Variants in ARHGEF28 observed in about 807,000 individuals in gnomAD.
ARHGEF28 encodes the protein Rho guanine nucleotide exchange factor 28.
A neutral mutation model predicts 206.6 loss-of-function variants in ARHGEF28; 152 were observed. The observed-to-expected ratio is 0.74, with a 90% CI of 0.64 to 0.84. ARHGEF28 has a LOEUF of 0.84. ARHGEF28 is among the 40% of genes least tolerant of loss of function. ARHGEF28 has a pLI of 0.00. For missense variants in ARHGEF28, 2,028 were observed against 2,073.2 expected (o/e 0.98, Z 0.42); for synonymous variants, 763 against 776.4 (o/e 0.98, Z 0.29).
chr5:73,792,850 T>C (rs1379094756), intron 7 of ARHGEF28, among the ~76,000 whole-genome samples: 1 of 152,190 alleles, frequency 6.6e-6, no homozygotes, highest in African/African-American at 2.4e-5. Context: ...TTTTGGACTT[T>C]GGCACTTGAA....
intron 6 of ARHGEF28, among the ~76,000 whole-genome samples, chr5:73,779,879 A>G (rs1443505115): frequency 6.6e-6 from 1 of 152,172 alleles, no homozygotes; most frequent in Non-Finnish European, 1.5e-5. Flanking sequence ...CTCCAGCTGC[A>G]GGGCATTGTT....
intron 13 of ARHGEF28, among the ~76,000 whole-genome samples, chr5:73,850,627 CTAT>C (rs1758640182): frequency 6.6e-6 from 1 of 152,202 alleles, no homozygotes; most frequent in East Asian, 1.9e-4. Context: ...GGTCCTTGAT[CTAT>C]GAAGTCAGAT....
At chr5:73,927,201 A>C (rs544223475) in intron 35 of ARHGEF28, among the ~76,000 whole-genome samples, 3 of 152,178 alleles carry the variant, frequency 2.0e-5, no homozygotes, top group Admixed American at 2.0e-4. Context: ...TCACTAAAAA[A>C]AAAAATAAAA....
At chr5:73,689,507 T>TA (rs1238822766) in intron 2 of ARHGEF28, among the ~76,000 whole-genome samples, 1 of 152,116 alleles carries the variant, frequency 6.6e-6, no homozygotes, top group African/African-American at 2.4e-5. Context: ...CATGGTCAGC[T>TA]TTAGTCTAAT....
chr5:73,650,303 T>TA (rs1744725602), intron 1 of ARHGEF28, among the ~76,000 whole-genome samples: 1 of 84,260 alleles, frequency 1.2e-5, no homozygotes, highest in East Asian at 3.6e-4. Flanking sequence ...TTTTTTTTTT[T>TA]AGACGGAGTC....
rs751052472 is a variant in ARHGEF28 at position 73,684,863 on chromosome 5, C to A, written c.12C>A (p.Ser4Arg). MEL[S>R]CSEAPLYGQM... ...CAGATGCGAAAGCCATGGAGTTGAG[C>A]TGCAGCGAAGCACCTCTTTACGTAA... Residue 4 changes from serine (S) to arginine (R), a missense_variant, in exon 2 of 36, where the codon AGC becomes AGA. Ser to Arg is a moderately radical substitution (Grantham distance 110). Transcript: ENST00000513042. 1 of 1,610,646 alleles carries A rather than the reference C, an allele frequency of 6.2e-7. No individual in the cohort carries two copies.
At chr5:73,793,983 CT>C (rs977861886) in intron 7 of ARHGEF28, among the ~76,000 whole-genome samples, 2 of 152,102 alleles carry the variant, frequency 1.3e-5, no homozygotes, top group Non-Finnish European at 2.9e-5. Context: ...GAATTACGCT[CT>C]TTTAAAACAT....
chr5:73,746,628 T>C (rs28495770), intron 2 of ARHGEF28, among the ~76,000 whole-genome samples: 36,175 of 152,074 alleles, frequency 0.24, 4,951 homozygotes, highest in Non-Finnish European at 0.31. Flanking sequence ...TTATGTTAGA[T>C]ATTGAATTAA....
chr5:73,850,907 T>G (rs769882648), intron 13 of ARHGEF28, among the ~76,000 whole-genome samples: 3 of 152,186 alleles, frequency 2.0e-5, no homozygotes, highest in Admixed American at 6.6e-5. Flanking sequence ...AGGTAACAGT[T>G]AGAACCAGGC....
At position 73,834,542 on chromosome 5, in the gene ARHGEF28, CTGTGTG is replaced by C. The variant is rs34258155; in HGVS notation, c.1146+2110_1146+2115del. ...TCTTTTCTAGGGCTGAATAATATTCCTGTGTGTGTGTGTGTGTGTGTGTGTGTGTGT... is the reference window on the plus strand; with the variant it reads ...TCTTTTCTAGGGCTGAATAATATTCCTGTGTGTGTGTGTGTGTGTGTGTGT... On this transcript the variant is annotated intron_variant, in intron 10 of 35. Coordinates refer to ENST00000513042, the MANE Select transcript of ARHGEF28 (RefSeq NM_001177693.2). Among the ~76,000 whole-genome samples the C allele has an allele frequency of 8.1e-3, 1,184 of 145,786 alleles. 10 individuals carry two copies. Among genetic ancestry groups the C allele is most frequent in the African/African-American group, 0.018 (697 of 39,202 alleles).
chr5:73,897,917 C>T, intron 29 of ARHGEF28, 45 bp from the exon 30 acceptor site: 2 of 1,537,458 alleles, frequency 1.3e-6, no homozygotes, highest in Non-Finnish European at 1.8e-6. Flanking sequence ...TAAATATATA[C>T]CTATCTTTGT....
chr5:73,808,516 T>C (rs1755647060), intron 9 of ARHGEF28, among the ~76,000 whole-genome samples: 1 of 152,178 alleles, frequency 6.6e-6, no homozygotes, highest in South Asian at 2.1e-4. Flanking sequence ...ACAGAAGGAC[T>C]GTTTGTGTTG....
intron 31 of ARHGEF28, chr5:73,903,865 C>T (rs886821274): frequency 3.9e-6 from 1 of 256,778 alleles, no homozygotes; most frequent in African/African-American, 2.2e-5. Context: ...ACCCAAAAGA[C>T]AACTTCAGTC....
rs766156830 is a variant in ARHGEF28 at position 73,909,898 on chromosome 5, G to A, written c.4647+1G>A. ...GGTGCTCCTTCCGGGTGGCCCCGAGGTATGGACCTTCTGCGGTGCTGTGAG... is the reference window on the plus strand; with the variant it reads ...GGTGCTCCTTCCGGGTGGCCCCGAGATATGGACCTTCTGCGGTGCTGTGAG... On this transcript the variant is annotated splice_donor_variant, in intron 34 of 35. Coordinates refer to ENST00000513042, the MANE Select transcript of ARHGEF28 (RefSeq NM_001177693.2). LOFTEE classifies it high-confidence loss of function. 1 of 1,500,110 alleles carries A rather than the reference G, an allele frequency of 6.7e-7. No individual in the cohort carries two copies. The highest frequency in any genetic ancestry group is 8.8e-7 in the Non-Finnish European group (1 of 1,135,062). The allele number at this position is 1,500,110 out of a possible 1,614,324, so 92.9% of individuals were successfully genotyped here. A position where few individuals can be genotyped will look rare whatever the true frequency, so the allele number is the denominator to read the frequency against.
intron 33 of ARHGEF28, among the ~76,000 whole-genome samples, chr5:73,906,470 C>T (rs2112718819): frequency 6.6e-6 from 1 of 152,316 alleles, no homozygotes; most frequent in Admixed American, 6.5e-5. Context: ...GATCTACCTG[C>T]CTTGGCCTCC....
chr5:73,824,899 A>C (rs1433369283), intron 9 of ARHGEF28, among the ~76,000 whole-genome samples: 1 of 152,188 alleles, frequency 6.6e-6, no homozygotes, highest in Admixed American at 6.5e-5. Flanking sequence ...TGGGTGAATA[A>C]GTGAATGAAA....
chr5:73,814,329 C>T (rs893453375), intron 9 of ARHGEF28, among the ~76,000 whole-genome samples: 2 of 151,968 alleles, frequency 1.3e-5, no homozygotes, highest in Non-Finnish European at 1.5e-5. Context: ...TTTATCTGAG[C>T]GTGATTGATA....
At chr5:73,723,451 G>T (rs1254015769) in intron 2 of ARHGEF28, among the ~76,000 whole-genome samples, 7 of 152,184 alleles carry the variant, frequency 4.6e-5, no homozygotes, top group African/African-American at 1.4e-4. Context: ...CTCCCAAAGT[G>T]TTGGGATTAC....
chr5:73,846,576 C>T (rs1758378876), intron 12 of ARHGEF28, 101 bp downstream of exon 12: 3 of 1,102,396 alleles, frequency 2.7e-6, no homozygotes, highest in Non-Finnish European at 3.7e-6. Flanking sequence ...TTTATTCATA[C>T]ATATGAACTA....
Sources: gnomAD v4.1 joint callset for allele counts (sites outside exome capture counted in the v4.1 genomes callset) on GRCh38, gnomAD v4.1.1 for gene constraint, MANE v1.5 for transcripts, NCBI Gene and HGNC (gene_info 2026-07-23, HGNC 2026-07-21) for gene names.